CSMD1: variants seen among roughly 807,000 people sequenced by gnomAD.
The protein encoded by CSMD1 is CUB and sushi domain-containing protein 1.
CSMD1 carries 213 observed loss-of-function variants against 417.5 expected under a neutral mutation model. That is an observed-to-expected ratio of 0.51 (90% CI 0.46 to 0.57). The LOEUF (loss-of-function observed/expected upper bound fraction) is 0.57. CSMD1 is among the 20% of genes least tolerant of loss of function. The pLI is 0.00. For missense variants in CSMD1, 6,923 were observed against 4,529.7 expected (o/e 1.53, Z -15.17); for synonymous variants, 2,862 against 1,736.8 (o/e 1.65, Z -16.11).
In CSMD1 at chr8:2,957,718, A is replaced by G. The variant is rs541343235; in HGVS notation, c.9792T>C (p.Ser3264=). 5.3e-5 allele frequency: 85 copies of G among 1,593,830 alleles called. 1 individual carries two copies. In the South Asian group the frequency reaches 9.0e-4, roughly 17 times the overall value. Residue 3264 remains serine (S), a synonymous_variant, in exon 63 of 70, where the codon AGT becomes AGC. Coordinates refer to ENST00000635120, the MANE Select transcript of CSMD1 (RefSeq NM_033225.6). ...TRTCLANLTW[S]GIQTECIPHA... ...TACGTATACATTCGGTCTGTATCCC[A>G]CTCCATGTTAAATTGGCAAGGCAGG...
At chr8:3,867,875 C>T (rs767341195) in intron 5 of CSMD1, among the ~76,000 whole-genome samples, 1 of 152,064 alleles carries the variant, frequency 6.6e-6, no homozygotes, top group Non-Finnish European at 1.5e-5. Context: ...CTGGCCAGAT[C>T]TTCCTGAACC....
intron 5 of CSMD1, among the ~76,000 whole-genome samples, chr8:3,915,055 G>A (rs1584956856): frequency 6.6e-6 from 1 of 152,170 alleles, no homozygotes; most frequent in East Asian, 1.9e-4. Context: ...ATACAGGCAG[G>A]GAATAGTTAT....
chr8:4,189,666 A>T (rs1284412429), intron 3 of CSMD1, among the ~76,000 whole-genome samples: 1 of 152,146 alleles, frequency 6.6e-6, no homozygotes, highest in Admixed American at 6.5e-5. Flanking sequence ...CTTATTTATC[A>T]TGGAATGCAT....
intron 26 of CSMD1, among the ~76,000 whole-genome samples, chr8:3,232,541 C>T (rs566292600): frequency 3.9e-5 from 6 of 152,218 alleles, no homozygotes; most frequent in South Asian, 2.1e-4. Context: ...AATGCTGCTG[C>T]GAAAACTCTT....
chr8:4,083,449 G>A (rs1028977832), intron 3 of CSMD1, among the ~76,000 whole-genome samples: 8 of 152,068 alleles, frequency 5.3e-5, no homozygotes, highest in African/African-American at 1.9e-4. Flanking sequence ...TATACTACAA[G>A]GCTACAGTAA....
At chr8:4,483,966 G>T (rs990873016) in intron 2 of CSMD1, among the ~76,000 whole-genome samples, 1 of 152,122 alleles carries the variant, frequency 6.6e-6, no homozygotes, top group Admixed American at 6.5e-5. Flanking sequence ...TGACAGTCCT[G>T]CGTTTTCGGA....
chr8:3,078,343 T>C (rs1442061258), intron 49 of CSMD1, among the ~76,000 whole-genome samples: 1 of 152,228 alleles, frequency 6.6e-6, no homozygotes, highest in Non-Finnish European at 1.5e-5. Flanking sequence ...GGATGCTCGA[T>C]GTGTGCTAAG....
At chr8:3,683,245 T>TA (rs1799760870) in intron 7 of CSMD1, among the ~76,000 whole-genome samples, 1 of 151,454 alleles carries the variant, frequency 6.6e-6, no homozygotes, top group Non-Finnish European at 1.5e-5. Context: ...AAAAAATAAA[T>TA]AAAAAAATAA....
intron 10 of CSMD1, among the ~76,000 whole-genome samples, chr8:3,537,570 GT>G (rs1447258022): frequency 6.6e-6 from 1 of 152,104 alleles, no homozygotes; most frequent in Non-Finnish European, 1.5e-5. Flanking sequence ...TTGCATGTTT[GT>G]TTTAGATAGC....
intron 12 of CSMD1, among the ~76,000 whole-genome samples, chr8:3,466,330 G>C (rs955311167): frequency 6.6e-6 from 1 of 152,080 alleles, no homozygotes; most frequent in African/African-American, 2.4e-5. Flanking sequence ...CCTAACACTA[G>C]ATGTTAGTGA....
At chr8:4,565,975 A>T (rs940713630) in intron 2 of CSMD1, among the ~76,000 whole-genome samples, 1 of 151,726 alleles carries the variant, frequency 6.6e-6, no homozygotes, top group Non-Finnish European at 1.5e-5. Context: ...AGTATAATCT[A>T]TATTTGGGTC....
At position 3,881,068 on chromosome 8, in the gene CSMD1, A is replaced by T. The variant is rs1010570227; in HGVS notation, c.818+116835T>A. Among the ~76,000 whole-genome samples the T allele has an allele frequency of 9.9e-5, 15 of 152,180 alleles. 1 individual carries two copies. Among genetic ancestry groups the T allele is most frequent in the Admixed American group, 9.8e-4 (15 of 15,268 alleles). On this transcript the variant is annotated intron_variant, in intron 5 of 69. Coordinates refer to ENST00000635120, the MANE Select transcript of CSMD1 (RefSeq NM_033225.6). ...TATCTATGAGTGAATTCAAAAAATTATATAAAAAACTGAATGCACGAAATC... is the reference window on the plus strand; with the variant it reads ...TATCTATGAGTGAATTCAAAAAATTTTATAAAAAACTGAATGCACGAAATC...
chr8:3,823,463 T>G (rs927578357), intron 5 of CSMD1, among the ~76,000 whole-genome samples: 9 of 152,296 alleles, frequency 5.9e-5, no homozygotes, highest in African/African-American at 2.2e-4. Context: ...TTTGCAATTT[T>G]TATGCAACGA....
intron 41 of CSMD1, chr8:3,127,672 G>T (rs369339425): frequency 6.6e-6 from 1 of 152,078 alleles, no homozygotes; most frequent in African/African-American, 2.4e-5. Flanking sequence ...AAAGGAAGAA[G>T]AAAAACAGTG....
At chr8:4,715,314 G>A (rs1390680488) in intron 1 of CSMD1, among the ~76,000 whole-genome samples, 2 of 152,032 alleles carry the variant, frequency 1.3e-5, no homozygotes, top group Non-Finnish European at 2.9e-5. Flanking sequence ...ATTTCTGTTT[G>A]GTTTACACAA....
At chr8:3,792,027 G>A (rs1023192889) in intron 5 of CSMD1, among the ~76,000 whole-genome samples, 1 of 152,044 alleles carries the variant, frequency 6.6e-6, no homozygotes, top group Non-Finnish European at 1.5e-5. Flanking sequence ...TGTTTTGACA[G>A]TCAATTAACT....
At chr8:3,821,579 C>T (rs983370061) in intron 5 of CSMD1, among the ~76,000 whole-genome samples, 2 of 152,074 alleles carry the variant, frequency 1.3e-5, no homozygotes, top group East Asian at 1.9e-4. Context: ...GTCAAGAGTA[C>T]GAGACCAGCC....
intron 3 of CSMD1, among the ~76,000 whole-genome samples, chr8:4,042,485 A>C (rs1797940621): frequency 6.6e-6 from 1 of 152,276 alleles, no homozygotes; most frequent in African/African-American, 2.4e-5. Context: ...TAGAGAAACA[A>C]GTTCAGACAT....
At chr8:3,009,987 T>G (rs1207800284) in intron 52 of CSMD1, among the ~76,000 whole-genome samples, 1 of 152,212 alleles carries the variant, frequency 6.6e-6, no homozygotes, top group Admixed American at 6.5e-5. Flanking sequence ...TGTCTCAATG[T>G]AGTTCCTGAA....
Sources: gnomAD v4.1 joint callset for allele counts (sites outside exome capture counted in the v4.1 genomes callset) on GRCh38, gnomAD v4.1.1 for gene constraint, MANE v1.5 for transcripts, NCBI Gene and HGNC (gene_info 2026-07-23, HGNC 2026-07-21) for gene names.